Variants in OSBPL10 observed in about 807,000 individuals in gnomAD.
OSBPL10 encodes the protein oxysterol binding protein like 10.
A neutral mutation model predicts 81.7 loss-of-function variants in OSBPL10; 49 were observed. The observed-to-expected ratio is 0.60, with a 90% CI of 0.48 to 0.76. The LOEUF is 0.76. Among genes scored for constraint, OSBPL10 ranks in the 30% least tolerant of loss-of-function variants. The pLI, the probability that OSBPL10 is intolerant of heterozygous loss-of-function variation, is 0.00. For missense variants in OSBPL10, 923 were observed against 987.8 expected (o/e 0.93, Z 0.88); for synonymous variants, 419 against 383.6 (o/e 1.09, Z -1.08).
Position 31,662,732 on chromosome 3 carries a change from T to C in OSBPL10, c.2251-616A>G, listed in dbSNP as rs150612202. 306 of 985,476 alleles carry C rather than the reference T, an allele frequency of 3.1e-4. No homozygotes were observed. The African/African-American group carries it at 4.2e-3, about 14-fold the overall frequency. The allele number at this position is 985,476 out of a possible 1,614,324, so 61.0% of individuals were successfully genotyped here. A position where few individuals can be genotyped will look rare whatever the true frequency, so the allele number is the denominator to read the frequency against. The stretch of plus-strand genomic sequence containing the variant: ...CCTTCTGTTATGGGCATACTGGCTT[T>C]TCTTAAACTCAGGAAGAACTGTAAA... On this transcript the variant is annotated intron_variant, in intron 11 of 11. Transcript: ENST00000396556.
chr3:32,023,073 C>T (rs1287896723), intron 2 of OSBPL10, among the ~76,000 whole-genome samples: 1 of 152,146 alleles, frequency 6.6e-6, no homozygotes, highest in African/African-American at 2.4e-5. Flanking sequence ...ACTTTAGCTT[C>T]TGTGGCTCCT....
chr3:32,017,947 G>A (rs994778170), intron 2 of OSBPL10, among the ~76,000 whole-genome samples: 4 of 151,894 alleles, frequency 2.6e-5, no homozygotes, highest in Non-Finnish European at 2.9e-5. Flanking sequence ...TCAGGAGTTC[G>A]AGACCAGCCT....
At chr3:31,762,629 C>CCTTTTTTTTTTTTTTTT (rs1491572896) in intron 4 of OSBPL10, among the ~76,000 whole-genome samples, 3 of 17,236 alleles carry the variant, frequency 1.7e-4, no homozygotes, top group African/African-American at 4.1e-4. Context: ...CCATGCCCAG[C>CCTTTTTTTTTTTTTTTT]ATTTTTTTTT....
chr3:31,700,699 T>TA (rs1285723634), intron 7 of OSBPL10, among the ~76,000 whole-genome samples: 1 of 152,266 alleles, frequency 6.6e-6, no homozygotes, highest in Non-Finnish European at 1.5e-5. Flanking sequence ...ATTGTACTTG[T>TA]ACACGTTATC....
At chr3:32,068,707 C>A (rs1455477396) in intron 1 of OSBPL10, among the ~76,000 whole-genome samples, 2 of 152,030 alleles carry the variant, frequency 1.3e-5, no homozygotes, top group Non-Finnish European at 2.9e-5. Flanking sequence ...GTCTGAGGTG[C>A]CTTACATCCA....
chr3:31,954,859 C>G (rs1046770189), intron 1 of OSBPL10, among the ~76,000 whole-genome samples: 1 of 152,136 alleles, frequency 6.6e-6, no homozygotes, highest in Non-Finnish European at 1.5e-5. Context: ...GCAGTTTGCT[C>G]TGAAATGTAT....
intron 2 of OSBPL10, among the ~76,000 whole-genome samples, chr3:32,027,668 C>T (rs12496082): frequency 0.078 from 11,830 of 152,148 alleles, 843 homozygotes; most frequent in East Asian, 0.38. Context: ...CAGGGTCTCA[C>T]TATGTTGCCA....
chr3:32,046,879 G>A (rs1415415364), intron 1 of OSBPL10, among the ~76,000 whole-genome samples: 1 of 152,168 alleles, frequency 6.6e-6, no homozygotes, highest in African/African-American at 2.4e-5. Flanking sequence ...GTGGAACAGG[G>A]ACATGCAAGA....
chr3:31,677,306 G>C (rs1700504886), intron 8 of OSBPL10, among the ~76,000 whole-genome samples: 1 of 152,124 alleles, frequency 6.6e-6, no homozygotes, highest in South Asian at 2.1e-4. Context: ...CATTACAGCG[G>C]ACACATTTTA....
chr3:31,813,925 A>G (rs1224274396), intron 4 of OSBPL10, among the ~76,000 whole-genome samples: 1 of 152,248 alleles, frequency 6.6e-6, no homozygotes, highest in Non-Finnish European at 1.5e-5. Flanking sequence ...GTCCACGTGA[A>G]GAACCACACA....
chr3:31,722,310 G>A (rs1260247895), intron 6 of OSBPL10, among the ~76,000 whole-genome samples: 3 of 152,164 alleles, frequency 2.0e-5, no homozygotes, highest in African/African-American at 7.2e-5. Context: ...GGAGACTGAA[G>A]TTTATAAAGG....
intron 4 of OSBPL10, among the ~76,000 whole-genome samples, chr3:31,800,293 T>A (rs1320941579): frequency 6.6e-6 from 1 of 152,108 alleles, no homozygotes; most frequent in Non-Finnish European, 1.5e-5. Context: ...ATGATGGTGG[T>A]TCATGACAAG....
intron 10 of OSBPL10, among the ~76,000 whole-genome samples, chr3:31,668,051 T>TA (rs897402133): frequency 2.0e-5 from 3 of 152,184 alleles, no homozygotes; most frequent in East Asian, 3.8e-4. Context: ...TAGTTTTCTT[T>TA]AAAAAAAGAA....
Position 31,683,801 on chromosome 3 carries a change from G to A in OSBPL10, c.1559C>T (p.Pro520Leu), listed in dbSNP as rs1700719220. ...SCHEHPMADDPSKSYKLRFVA... is the reference protein window; with the variant it reads ...SCHEHPMADDLSKSYKLRFVA... ...AAACCTTAGTTTGTAGCTTTTGGAA[G>A]GGTCATCGGCCATTGGGTGTTCGTG... The change falls in exon 8 of 12, where the codon CCT (proline) becomes CTT (leucine). Residue 520 changes from proline to leucine, a missense_variant. This residue lies in a region of OSBPL10 where 387 missense variants were observed against 436.3 expected (regional missense o/e 0.89). Coordinates refer to ENST00000396556, the MANE Select transcript of OSBPL10 (RefSeq NM_017784.5). 6.2e-7 allele frequency: 1 copy of A among 1,614,102 alleles called. No individual in the cohort carries two copies. The highest frequency in any genetic ancestry group is 8.5e-7 in the Non-Finnish European group (1 of 1,180,058).
chr3:31,848,389 G>T (rs561610935), intron 3 of OSBPL10, among the ~76,000 whole-genome samples: 2 of 151,832 alleles, frequency 1.3e-5, no homozygotes, highest in Non-Finnish European at 2.9e-5. Flanking sequence ...CAAGGTCACG[G>T]TGGAAAATGT....
intron 2 of OSBPL10, among the ~76,000 whole-genome samples, chr3:32,028,515 G>A (rs552776193): frequency 1.7e-4 from 26 of 152,242 alleles, no homozygotes; most frequent in African/African-American, 5.3e-4. Flanking sequence ...GTATTGATTT[G>A]TAAAATCTGT....
intron 4 of OSBPL10, among the ~76,000 whole-genome samples, chr3:31,784,148 G>A (rs1443629846): frequency 6.6e-6 from 1 of 151,628 alleles, no homozygotes; most frequent in South Asian, 2.1e-4. Flanking sequence ...AGACCAGCCT[G>A]GCCAACATGG....
At chr3:31,702,252 T>C (rs1695918212) in intron 7 of OSBPL10, 107 bp downstream of exon 7, 3 of 1,354,460 alleles carry the variant, frequency 2.2e-6, no homozygotes, top group Admixed American at 2.4e-5. Context: ...TTCCCCACTC[T>C]TCTTCTCCAA....
rs138531224 is a variant in OSBPL10, at chr3:32,069,035, C to G, written n.185+8361G>C. ...TTTCATTCTGCAACTAGCTCTCCCC[C>G]ACCTGCCCAACAATTTCCTCTTAGA... On this transcript the variant is annotated intron_variant and non_coding_transcript_variant, in intron 1 of 3. Transcript: ENST00000479173. 3.2e-4 allele frequency among the ~76,000 whole-genome samples: 49 copies of G among 152,254 alleles called. No homozygotes were observed. The East Asian group carries it at 9.3e-3, about 29-fold the overall frequency.
Sources: gnomAD v4.1 joint callset for allele counts (sites outside exome capture counted in the v4.1 genomes callset) on GRCh38, gnomAD v4.1.1 for gene constraint, gnomAD v4.1.1 regional missense constraint, MANE v1.5 for transcripts, NCBI Gene and HGNC (gene_info 2026-07-23, HGNC 2026-07-21) for gene names.